The following CD2 variants were observed in gnomAD, a reference collection of about 807,000 sequenced individuals.
CD2 encodes the protein CD2 molecule.
A neutral mutation model predicts 23.2 loss-of-function variants in CD2; 18 were observed. The observed-to-expected ratio is 0.77, with a 90% CI of 0.54 to 1.15. CD2 has a LOEUF of 1.15. Ranked by LOEUF, CD2 falls within the 50% of genes most tolerant of loss-of-function variation. The probability of loss-of-function intolerance (pLI) is 0.00; values close to 1 mark genes in which losing one functional copy is unlikely to be tolerated. For missense variants in CD2, 424 were observed against 423.1 expected (o/e 1.00, Z -0.02); for synonymous variants, 162 against 151.9 (o/e 1.07, Z -0.49).
intron 3 of CD2, 53 bp downstream of exon 3, chr1:116,760,685 A>ACT: frequency 7.3e-7 from 1 of 1,377,854 alleles, no homozygotes; most frequent in Non-Finnish European, 1.0e-6. Context: ...CTCAGTAGGC[A>ACT]GAGGCATGCT....
At chr1:116,755,461 A>G (rs1357716981) in intron 2 of CD2, among the ~76,000 whole-genome samples, 1 of 152,224 alleles carries the variant, frequency 6.6e-6, no homozygotes, top group Non-Finnish European at 1.5e-5. Flanking sequence ...TCTGCTTGTC[A>G]GAGTGATACA....
chr1:116,754,585 A>G, intron 1 of CD2, 32 bp downstream of exon 1: 2 of 1,610,664 alleles, frequency 1.2e-6, no homozygotes, highest in East Asian at 2.2e-5. Flanking sequence ...GTCCCAACCC[A>G]GCTTTCCCTG....
chr1:116,766,682 C>G (rs1652224915), intron 4 of CD2, among the ~76,000 whole-genome samples: 1 of 151,450 alleles, frequency 6.6e-6, no homozygotes, highest in African/African-American at 2.4e-5. Context: ...ATAGTGAGAC[C>G]TGGTCTCTAC....
At chr1:116,764,738 A>T in intron 4 of CD2, 132 bp downstream of exon 4, 1 of 692,244 alleles carries the variant, frequency 1.4e-6, no homozygotes, top group Non-Finnish European at 2.5e-6. Context: ...GGTTGTAGTC[A>T]GCGGTTATAG....
intron 3 of CD2, 149 bp from the exon 4 acceptor site, chr1:116,764,335 C>T: frequency 1.6e-6 from 2 of 1,274,402 alleles, no homozygotes; most frequent in Non-Finnish European, 2.1e-6. Context: ...TGACACCACT[C>T]ACCACCCTCT....
chr1:116,757,772 G>C (rs1367577915), intron 2 of CD2, among the ~76,000 whole-genome samples: 1 of 151,258 alleles, frequency 6.6e-6, no homozygotes, highest in Non-Finnish European at 1.5e-5. Context: ...GAGAGAGAGA[G>C]AGAGGCAGAC....
In CD2 at chr1:116,754,831, A is replaced by C. The variant is rs757350751; in HGVS notation, c.262A>C (p.Lys88Gln). The change falls in exon 2 of 5, where the codon AAA becomes CAA. Residue 88 changes from lysine to glutamine, a missense_variant. Transcript: ENST00000369478. ...FKEKDTYKLFKNGTLKIKHLK... is the reference protein window; with the variant it reads ...FKEKDTYKLFQNGTLKIKHLK... Reference sequence around the variant, plus strand: ...GGAAAAAGATACATATAAGCTATTTAAAAATGGAACTCTGAAAATTAAGCA... The same window carrying C: ...GGAAAAAGATACATATAAGCTATTTCAAAATGGAACTCTGAAAATTAAGCA... 1.6e-5 allele frequency: 25 copies of C among 1,612,510 alleles called. No homozygotes were observed. Among genetic ancestry groups the C allele is most frequent in the Non-Finnish European group, 2.0e-5 (24 of 1,178,676 alleles).
chr1:116,764,411 A>G, intron 3 of CD2, 73 bp from the exon 4 acceptor site: 3 of 1,565,768 alleles, frequency 1.9e-6, no homozygotes, highest in Non-Finnish European at 2.6e-6. Flanking sequence ...TGCAGGAGGC[A>G]GCATCCTTGG....
At chr1:116,764,644 C>A (rs368956992) in intron 4 of CD2, 38 bp downstream of exon 4, 128 of 1,504,744 alleles carry the variant, frequency 8.5e-5, no homozygotes, top group Non-Finnish European at 1.1e-4. Flanking sequence ...CAGGCCCCAG[C>A]AAAATCCCCA....
intron 1 of CD2, 28 bp from the exon 2 acceptor site, chr1:116,754,603 C>A (rs375123830): frequency 7.5e-6 from 12 of 1,607,208 alleles, no homozygotes; most frequent in Non-Finnish European, 9.3e-6. Context: ...CTGAAAGTGA[C>A]TCTCAGTAAC....
At chr1:116,755,719 C>T (rs1651822059) in intron 2 of CD2, among the ~76,000 whole-genome samples, 1 of 152,080 alleles carries the variant, frequency 6.6e-6, no homozygotes, top group African/African-American at 2.4e-5. Context: ...AGTCAATCGC[C>T]ACTGGCCTAG....
At chr1:116,763,338 A>G (rs1411267025) in intron 3 of CD2, among the ~76,000 whole-genome samples, 1 of 152,148 alleles carries the variant, frequency 6.6e-6, no homozygotes, top group Non-Finnish European at 1.5e-5. Flanking sequence ...CATGTATAAC[A>G]GTGTCTCCCT....
intron 2 of CD2, among the ~76,000 whole-genome samples, chr1:116,757,891 T>C (rs771555972): frequency 3.3e-5 from 5 of 151,862 alleles, no homozygotes; most frequent in East Asian, 1.9e-4. Flanking sequence ...TGCCTCAGCC[T>C]CCTGAGTAGT....
intron 4 of CD2, among the ~76,000 whole-genome samples, chr1:116,767,504 T>C (rs1271544260): frequency 2.0e-5 from 3 of 151,618 alleles, no homozygotes; most frequent in Non-Finnish European, 4.4e-5. Flanking sequence ...GGCAGGAGAA[T>C]TGTTTGAACC....
chr1:116,764,447 A>G (rs935394495), intron 3 of CD2, 37 bp from the exon 4 acceptor site: 1 of 1,607,418 alleles, frequency 6.2e-7, no homozygotes, highest in Non-Finnish European at 8.5e-7. Flanking sequence ...CTCTGCCTGG[A>G]CCCCTCCCAG....
At chr1:116,757,777 G>GAGA (rs1557915913) in intron 2 of CD2, among the ~76,000 whole-genome samples, 53 of 135,914 alleles carry the variant, frequency 3.9e-4, no homozygotes, top group African/African-American at 1.0e-3. Context: ...AGAGAGAGAG[G>GAGA]CAGACAGAAA....
chr1:116,760,022 G>C (rs1388201995), intron 2 of CD2, among the ~76,000 whole-genome samples: 1 of 152,150 alleles, frequency 6.6e-6, no homozygotes, highest in Non-Finnish European at 1.5e-5. Flanking sequence ...CATGTTTTAG[G>C]TGGTGCCCCA....
At position 116,757,207 on chromosome 1, in the gene CD2, G is replaced by A. The variant is rs1222298240; in HGVS notation, c.382+2256G>A. On this transcript the variant is annotated intron_variant, in intron 2 of 4. Transcript: ENST00000369478. Reference sequence around the variant, plus strand: ...AGACGGGGTTTCGCCATGTTGGTCAGGCTGGTCTCAAACTCCTGACCTCAG... The same window carrying A: ...AGACGGGGTTTCGCCATGTTGGTCAAGCTGGTCTCAAACTCCTGACCTCAG... Among the ~76,000 whole-genome samples the A allele has an allele frequency of 2.6e-5, 4 of 152,028 alleles. 1 individual carries two copies. The South Asian group carries it at 8.4e-4, about 32-fold the overall frequency.
At chr1:116,768,147 T>G (rs1204730292) in intron 4 of CD2, among the ~76,000 whole-genome samples, 1 of 152,180 alleles carries the variant, frequency 6.6e-6, no homozygotes, top group African/African-American at 2.4e-5. Flanking sequence ...GAACAATTTC[T>G]AGGTCAGCAC....
Sources: gnomAD v4.1 joint callset for allele counts (sites outside exome capture counted in the v4.1 genomes callset) on GRCh38, gnomAD v4.1.1 for gene constraint, MANE v1.5 for transcripts, NCBI Gene and HGNC (gene_info 2026-07-23, HGNC 2026-07-21) for gene names.